The following NOM1 variants were observed in gnomAD, a reference collection of about 807,000 sequenced individuals.
The protein encoded by NOM1 is nucleolar MIF4G domain-containing protein 1.
Under a neutral mutation model 73.3 loss-of-function variants are expected in NOM1, and 58 were observed. The ratio of observed to expected loss-of-function variants is 0.79; its 90% CI spans 0.64 to 0.99. The LOEUF (loss-of-function observed/expected upper bound fraction) is 0.99. Among genes scored for constraint, NOM1 ranks in the 50% least tolerant of loss-of-function variants. NOM1 has a pLI of 0.00. For missense variants in NOM1, 1,226 were observed against 1,131.9 expected (o/e 1.08, Z -1.19); for synonymous variants, 487 against 446.8 (o/e 1.09, Z -1.14).
intron 1 of NOM1, among the ~76,000 whole-genome samples, chr7:156,951,727 A>G (rs1218096839): frequency 2.7e-5 from 4 of 150,464 alleles, no homozygotes; most frequent in African/African-American, 9.8e-5. Context: ...TTTTTTTTTG[A>G]GACTGAGTCT....
chr7:156,969,254 C>G, intron 10 of NOM1, 58 bp downstream of exon 10: 1 of 1,004,060 alleles, frequency 1.0e-6, no homozygotes. Flanking sequence ...ATTGTTTTCA[C>G]TTGTGTTGAT....
At position 156,966,970 on chromosome 7, in the gene NOM1, C is replaced by T; in HGVS notation, c.2176C>T (p.Gln726Ter). 6.2e-7 allele frequency: 1 copy of T among 1,611,962 alleles called. No homozygotes were observed. Among genetic ancestry groups the T allele is most frequent in the Non-Finnish European group, 8.5e-7 (1 of 1,179,382 alleles). Residue 726 changes from glutamine (Q) to a stop codon, truncating the protein, a stop_gained, in exon 9 of 11, where the codon CAG becomes TAG. Transcript: ENST00000275820. LOFTEE classifies it high-confidence loss of function. ...TTAACTATGATACTAGATGACTTTC[C>T]AGTTCAGCATATGGGACAAATTTCG... ...EYERRFQMTF[Q>*]FSIWDKFRDL...
chr7:156,969,150 C>G lies in NOM1; in HGVS notation c.2362C>G (p.Leu788Val). ...VRFLRKVLSI[L>V]LMETEVEDLS... ...TTTTTTACGAAAAGTATTAAGTATC[C>G]TATTAATGGAAACAGAAGTTGAAGA... is the stretch of plus-strand genomic sequence containing the variant. The change falls in exon 10 of 11, where the codon CTA becomes GTA. Residue 788 changes from leucine (L) to valine (V), a missense_variant. By Grantham distance (32) the Leu-to-Val change is conservative. Coordinates refer to ENST00000275820, the MANE Select transcript of NOM1 (RefSeq NM_138400.2). 1 of 1,601,876 alleles carries G rather than the reference C, an allele frequency of 6.2e-7. No homozygotes were observed. Among genetic ancestry groups the G allele is most frequent in the Non-Finnish European group, 8.6e-7 (1 of 1,168,838 alleles).
chr7:156,950,542 A>C lies in NOM1; in HGVS notation c.805A>C (p.Lys269Gln). 6.2e-7 allele frequency: 1 copy of C among 1,613,208 alleles called. No homozygotes were observed. The highest frequency in any genetic ancestry group is 8.5e-7 in the Non-Finnish European group (1 of 1,179,458). The change falls in exon 1 of 11, where the codon AAG becomes CAG. Residue 269 changes from lysine (K) to glutamine (Q), a missense_variant. Lys to Gln is a moderately conservative substitution (Grantham distance 53, BLOSUM62 1). Transcript: ENST00000275820. ...SEEEEEGDVE[K>Q]EKKAQEAEAQ... ...GGAGGAGGAGGAGGGAGACGTAGAA[A>C]AGGAAAAGAAGGCGCAGGAAGCAGA... is the stretch of plus-strand genomic sequence containing the variant.
At chr7:156,962,080 C>A (rs914231838) in intron 4 of NOM1, 71 bp from the exon 5 acceptor site, 1 of 1,292,172 alleles carries the variant, frequency 7.7e-7, no homozygotes, top group Non-Finnish European at 1.1e-6. Context: ...TGGTAGATTT[C>A]TTGCCAACTT....
chr7:156,952,578 T>C lies in NOM1; in HGVS notation c.1092T>C (p.His364=), dbSNP rs1804621819. ...KKEELERLKK[H]VKGLLNRLSE... ...AAGAACTAGAAAGGCTGAAGAAACA[T>C]GTAAAAGGTCTACTTAACAGGTGAC... The change falls in exon 2 of 11, where the codon CAT becomes CAC. Residue 364 remains histidine (H), a synonymous_variant. Coordinates refer to ENST00000275820, the MANE Select transcript of NOM1 (RefSeq NM_138400.2). 7 of 1,613,880 alleles carry C rather than the reference T, an allele frequency of 4.3e-6. No homozygotes were observed. The highest frequency in any genetic ancestry group is 5.1e-6 in the Non-Finnish European group (6 of 1,179,944).
chr7:156,966,442 AT>A, intron 8 of NOM1, 40 bp downstream of exon 8: 1 of 1,610,780 alleles, frequency 6.2e-7, no homozygotes. Context: ...CCGCTCTACT[AT>A]TTTTTCTACA....
rs549395862 is a variant in NOM1, at chr7:156,950,788, G to A, written c.987+64G>A. ...TTCAAAATAACGGGACAGGGAATGG[G>A]GCGTGAGGCAGAAATGACACAGACT... On this transcript the variant is annotated intron_variant, in intron 1 of 10. Transcript: ENST00000275820. 14 of 1,409,148 alleles carry A rather than the reference G, an allele frequency of 9.9e-6. No individual in the cohort carries two copies. In the South Asian group the frequency reaches 1.9e-4, roughly 20 times the overall value. 87.3% of individuals were successfully genotyped at this position (1,409,148 alleles called of 1,614,324 possible).
At chr7:156,954,339 A>C (rs1804666927) in intron 3 of NOM1, 41 bp downstream of exon 3, 4,932 of 1,467,796 alleles carry the variant, frequency 3.4e-3, no homozygotes, top group Non-Finnish European at 4.1e-3. Flanking sequence ...CTAGTGTCTC[A>C]TGGTGATTAT....
At chr7:156,964,505 G>A (rs1804947759) in intron 7 of NOM1, among the ~76,000 whole-genome samples, 4 of 152,068 alleles carry the variant, frequency 2.6e-5, no homozygotes, top group Admixed American at 2.0e-4. Context: ...CTACTTAGAA[G>A]GCTGAGACAG....
chr7:156,950,706 C>G lies in NOM1; in HGVS notation c.969C>G (p.Asp323Glu), dbSNP rs946317764. 1 of 1,551,242 alleles carries G rather than the reference C, an allele frequency of 6.4e-7. No individual in the cohort carries two copies. ...DEEKSENSSE[D>E]GDITDKSLCG... ...AAAAGAGTGAAAATTCCTCGGAGGA[C>G]GGTGACATAACGGATAAGGTATCGT... The change falls in exon 1 of 11, where the codon GAC (aspartate) becomes GAG (glutamate). Residue 323 changes from aspartate to glutamate, a missense_variant. Asp to Glu is a conservative substitution (Grantham distance 45, BLOSUM62 2). Transcript: ENST00000275820.
chr7:156,949,922 C>T lies in NOM1; in HGVS notation c.185C>T (p.Pro62Leu), dbSNP rs1364475342. The T allele has an allele frequency of 1.9e-5, 30 of 1,542,338 alleles. No individual in the cohort carries two copies. Among genetic ancestry groups the T allele is most frequent in the African/African-American group, 5.5e-5 (4 of 72,946 alleles). The change falls in exon 1 of 11, where the codon CCC becomes CTC. Residue 62 changes from proline to leucine, a missense_variant. Pro to Leu is a moderately conservative substitution (Grantham distance 98). Transcript: ENST00000275820. ...CACGCGACTTCGGAAGGCGAGGCTC[C>T]CGGGGGTTGCGAGGGGCGCGGCGCC... Reference protein sequence around the residue: ...FVHATSEGEAPGGCEGRGAPV... With the variant: ...FVHATSEGEALGGCEGRGAPV...
intron 7 of NOM1, chr7:156,966,051 T>G (rs1804988203): frequency 1.7e-6 from 1 of 578,206 alleles, no homozygotes. Context: ...GATGGTCTTG[T>G]CTCCTCTGAC....
Position 156,960,116 on chromosome 7 carries a change from T to C in NOM1, c.1574T>C (p.Ile525Thr), listed in dbSNP as rs1804827498. The C allele has an allele frequency of 6.2e-7, 1 of 1,614,004 alleles. No individual in the cohort carries two copies. Among genetic ancestry groups the C allele is most frequent in the Non-Finnish European group, 8.5e-7 (1 of 1,180,000 alleles). ...KDDALSLKEL[I>T]TEAQTKASGA... ...GATGCTTTATCACTTAAGGAATTGA[T>C]CACTGAAGCCCAGACCAAAGCCAGC... is the stretch of plus-strand genomic sequence containing the variant. Residue 525 changes from isoleucine (I) to threonine (T), a missense_variant, in exon 4 of 11, where the codon ATC (isoleucine) becomes ACC (threonine). By Grantham distance (89) the Ile-to-Thr change is moderately conservative. Coordinates refer to ENST00000275820, the MANE Select transcript of NOM1 (RefSeq NM_138400.2).
intron 9 of NOM1, among the ~76,000 whole-genome samples, 181 bp downstream of exon 9, chr7:156,967,273 C>T (rs1056937717): frequency 1.3e-5 from 2 of 152,222 alleles, no homozygotes; most frequent in Non-Finnish European, 2.9e-5. Context: ...ACAAATTGAT[C>T]TGGTAAATGA....
chr7:156,953,422 C>T (rs1291127714), intron 2 of NOM1, among the ~76,000 whole-genome samples: 1 of 152,180 alleles, frequency 6.6e-6, no homozygotes, highest in African/African-American at 2.4e-5. Flanking sequence ...GTCACCGCAC[C>T]GGGGCAGTTC....
chr7:156,953,046 G>A (rs1563678188), intron 2 of NOM1, among the ~76,000 whole-genome samples: 1 of 152,212 alleles, frequency 6.6e-6, no homozygotes, highest in Non-Finnish European at 1.5e-5. Flanking sequence ...GTGGGGCTTT[G>A]TCAGTTACAC....
chr7:156,962,963 A>G, intron 5 of NOM1, 45 bp from the exon 6 acceptor site: 1 of 1,586,866 alleles, frequency 6.3e-7, no homozygotes, highest in South Asian at 1.1e-5. Context: ...AGGACGGAAT[A>G]TGAACCAATT....
intron 4 of NOM1, among the ~76,000 whole-genome samples, chr7:156,961,082 C>T (rs1337914068): frequency 6.6e-6 from 1 of 152,064 alleles, no homozygotes; most frequent in Non-Finnish European, 1.5e-5. Flanking sequence ...GGGCTGCTCT[C>T]GTAGAGGGGG....
Sources: allele counts gnomAD v4.1 joint callset (sites outside exome capture counted in the v4.1 genomes callset), GRCh38; gene constraint gnomAD v4.1.1; transcripts MANE v1.5; gene names NCBI Gene and HGNC (gene_info 2026-07-23, HGNC 2026-07-21).